The following ALMS1 variants were observed in gnomAD, a reference collection of about 807,000 sequenced individuals.
ALMS1 encodes centrosome-associated protein ALMS1.
A neutral mutation model predicts 352.2 loss-of-function variants in ALMS1; 271 were observed. That is an observed-to-expected ratio of 0.77 (90% CI 0.70 to 0.85). The LOEUF (loss-of-function observed/expected upper bound fraction) is 0.85. Ranked by LOEUF, ALMS1 falls within the 40% of genes least tolerant of loss-of-function variation. The pLI is 0.00. For synonymous variants in ALMS1, 1,865 were observed against 1,761.2 expected, an observed-to-expected ratio of 1.06 and a Z score of -1.48; for missense variants, 5,445 against 4,870.7, an observed-to-expected ratio of 1.12 and a Z score of -3.51.
At chr2:73,458,435 C>G (rs1202291294) in intron 9 of ALMS1, 1 of 152,168 alleles carries the variant, frequency 6.6e-6, no homozygotes, top group Non-Finnish European at 1.5e-5. Flanking sequence ...CCATCCTCAT[C>G]TATAGCCTGA....
At position 73,464,424 on chromosome 2, in the gene ALMS1, G is replaced by T. The variant is rs556476061; in HGVS notation, c.7674+9129G>T. Among the ~76,000 whole-genome samples the T allele has an allele frequency of 4.6e-5, 7 of 152,222 alleles. No homozygotes were observed. In the South Asian group the frequency reaches 1.2e-3, roughly 27 times the overall value. On this transcript the variant is annotated intron_variant, in intron 9 of 22. Coordinates refer to ENST00000613296, the MANE Select transcript of ALMS1 (RefSeq NM_001378454.1). ...TTCATGCTAGAAACTCTCAATAAATGAGGTATTGATGGGATGTATCTCAAA... is the reference window on the plus strand; with the variant it reads ...TTCATGCTAGAAACTCTCAATAAATTAGGTATTGATGGGATGTATCTCAAA...
intron 16 of ALMS1, among the ~76,000 whole-genome samples, chr2:73,594,151 CT>C (rs1675495907): frequency 6.6e-6 from 1 of 152,174 alleles, no homozygotes; most frequent in Admixed American, 6.5e-5. Context: ...AACTGCCAGA[CT>C]TTTCCAAAAT....
chr2:73,438,078 A>G (rs933083794), intron 7 of ALMS1, among the ~76,000 whole-genome samples: 1 of 152,162 alleles, frequency 6.6e-6, no homozygotes, highest in African/African-American at 2.4e-5. Context: ...CTGTGAGTAT[A>G]TGTGACTAAT....
chr2:73,416,067 A>G (rs1032758413), intron 2 of ALMS1, among the ~76,000 whole-genome samples: 2 of 152,168 alleles, frequency 1.3e-5, no homozygotes, highest in African/African-American at 4.8e-5. Context: ...GGAGTGAACT[A>G]TGGGATACAG....
intron 9 of ALMS1, chr2:73,458,725 G>A (rs6749680): frequency 0.5 from 75,347 of 152,178 alleles, 21,445 homozygotes; most frequent in East Asian, 0.77. Context: ...AGGAAAGGGA[G>A]TGTTAAAGGA....
At chr2:73,467,828 C>G (rs1672388214) in intron 9 of ALMS1, among the ~76,000 whole-genome samples, 1 of 151,944 alleles carries the variant, frequency 6.6e-6, no homozygotes, top group East Asian at 1.9e-4. Context: ...GCAAAAAAGC[C>G]AGACACAAAG....
At chr2:73,481,282 G>T (rs1401206803) in intron 9 of ALMS1, among the ~76,000 whole-genome samples, 1 of 152,154 alleles carries the variant, frequency 6.6e-6, no homozygotes, top group East Asian at 1.9e-4. Context: ...TCCAGTTTCA[G>T]CTTTCTACAT....
chr2:73,395,536 T>C (rs1370883028), intron 1 of ALMS1, among the ~76,000 whole-genome samples: 1 of 152,178 alleles, frequency 6.6e-6, no homozygotes, highest in Non-Finnish European at 1.5e-5. Flanking sequence ...TTCAAAATAC[T>C]GTTTTTAATG....
chr2:73,386,317 AGGC>A, intron 1 of ALMS1, 125 bp downstream of exon 1: 1 of 1,325,354 alleles, frequency 7.5e-7, no homozygotes, highest in South Asian at 1.6e-5. Flanking sequence ...TGAGGCTAGT[AGGC>A]GGCCCAGACT....
intron 9 of ALMS1, chr2:73,470,682 G>T (rs1009164058): frequency 3.3e-5 from 5 of 151,804 alleles, no homozygotes; most frequent in Admixed American, 1.3e-4. Context: ...TGTGTGTTCT[G>T]TTCATTATTG....
chr2:73,464,358 C>G (rs1672278500), intron 9 of ALMS1, among the ~76,000 whole-genome samples: 1 of 152,200 alleles, frequency 6.6e-6, no homozygotes. Flanking sequence ...ATGATTATCT[C>G]AATAGATGCA....
chr2:73,545,765 A>T (rs1282249067), intron 12 of ALMS1, among the ~76,000 whole-genome samples: 1 of 152,240 alleles, frequency 6.6e-6, no homozygotes, highest in East Asian at 1.9e-4. Context: ...AAATAAATAT[A>T]CTTAACAAAA....
chr2:73,412,992 C>CT (rs1191158871), intron 2 of ALMS1, among the ~76,000 whole-genome samples: 198 of 141,708 alleles, frequency 1.4e-3, no homozygotes, highest in South Asian at 2.3e-3. Context: ...TTCTTTTTTT[C>CT]TTTTTTTTTT....
chr2:73,522,235 A>G (rs1051489176), intron 11 of ALMS1, among the ~76,000 whole-genome samples: 20 of 152,140 alleles, frequency 1.3e-4, no homozygotes, highest in African/African-American at 4.1e-4. Context: ...ATTTTGTCCA[A>G]TCGTTGCTGT....
chr2:73,559,278 T>C (rs941701117), intron 15 of ALMS1, 136 bp downstream of exon 15: 8 of 1,079,696 alleles, frequency 7.4e-6, no homozygotes, highest in South Asian at 3.0e-5. Context: ...TTTAAAACTT[T>C]CTTGTGTAAA....
At chr2:73,386,558 T>C (rs778170032) in intron 1 of ALMS1, among the ~76,000 whole-genome samples, 5 of 152,086 alleles carry the variant, frequency 3.3e-5, no homozygotes, top group Non-Finnish European at 7.4e-5. Context: ...GAGCATCTTG[T>C]TGGGGAGACA....
chr2:73,489,820 T>C lies in ALMS1; in HGVS notation c.7861T>C (p.Ser2621Pro). ...GACCAGAGGACGGCAGAACCCATCA[T>C]CATGCAGAGCCAAGCATGTCAACCT... ...EMTRGRQNPS[S>P]CRAKHVNLSA... The change falls in exon 10 of 23, where the codon TCA becomes CCA. Residue 2621 changes from serine (S) to proline (P), a missense_variant. Transcript: ENST00000613296. 1 of 1,614,148 alleles carries C rather than the reference T, an allele frequency of 6.2e-7. No homozygotes were observed. The highest frequency in any genetic ancestry group is 8.5e-7 in the Non-Finnish European group (1 of 1,180,028).
intron 16 of ALMS1, among the ~76,000 whole-genome samples, chr2:73,577,426 C>T (rs1202380386): frequency 6.6e-6 from 1 of 150,962 alleles, no homozygotes; most frequent in Non-Finnish European, 1.5e-5. Context: ...TTTCATTTAT[C>T]TCCATTGAAT....
chr2:73,401,851 G>C (rs1465772278), intron 1 of ALMS1, among the ~76,000 whole-genome samples: 3 of 152,022 alleles, frequency 2.0e-5, no homozygotes, highest in African/African-American at 7.2e-5. Context: ...TTCCTCCCCT[G>C]TTCCTCACTT....
Sources: gnomAD v4.1 joint callset for allele counts (sites outside exome capture counted in the v4.1 genomes callset) on GRCh38, gnomAD v4.1.1 for gene constraint, MANE v1.5 for transcripts, NCBI Gene and HGNC (gene_info 2026-07-23, HGNC 2026-07-21) for gene names.